VPS13A: variants seen among roughly 807,000 people sequenced by gnomAD.
The protein encoded by VPS13A is vacuolar protein sorting 13 homolog A, also known as intermembrane lipid transfer protein VPS13A.
A neutral mutation model predicts 390.9 loss-of-function variants in VPS13A; 264 were observed. The observed-to-expected ratio is 0.68, with a 90% CI of 0.61 to 0.75. The LOEUF is 0.75. Ranked by LOEUF, VPS13A falls within the 30% of genes least tolerant of loss-of-function variation. The pLI is 0.00. For synonymous variants in VPS13A, 1,231 were observed against 1,227.1 expected, an observed-to-expected ratio of 1.00 and a Z score of -0.07; for missense variants, 3,409 against 3,733.9, an observed-to-expected ratio of 0.91 and a Z score of 2.27.
intron 17 of VPS13A, among the ~76,000 whole-genome samples, chr9:77,235,017 G>C (rs1312128919): frequency 6.6e-6 from 1 of 152,010 alleles, no homozygotes; most frequent in Non-Finnish European, 1.5e-5. Context: ...CATTAGTCTA[G>C]GTTTATATTT....
At chr9:77,384,921 T>C (rs1298998814) in intron 68 of VPS13A, 6 of 1,326,208 alleles carry the variant, frequency 4.5e-6, no homozygotes, top group African/African-American at 3.0e-5. Flanking sequence ...ATATATTTTA[T>C]AGCTTTGTAT....
chr9:77,336,870 C>T (rs1830565978), intron 46 of VPS13A, among the ~76,000 whole-genome samples: 1 of 142,458 alleles, frequency 7.0e-6, no homozygotes, highest in Non-Finnish European at 1.5e-5. Flanking sequence ...AATCTCGGCT[C>T]ACTGTAAGCT....
Position 77,389,532 on chromosome 9 carries a change from T to C in VPS13A, c.9189+7445T>C, listed in dbSNP as rs1205492167. Among the ~76,000 whole-genome samples the C allele has an allele frequency of 2.6e-5, 4 of 152,144 alleles. No individual in the cohort carries two copies. In the South Asian group the frequency reaches 6.2e-4, roughly 24 times the overall value. On this transcript the variant is annotated intron_variant, in intron 68 of 71. Coordinates refer to ENST00000360280, the MANE Select transcript of VPS13A (RefSeq NM_033305.3). ...TATGTGGCCCGGGCTGGTCTTGAACTGAGCTCAAGCGATCCTACCGCTTCA... is the reference window on the plus strand; with the variant it reads ...TATGTGGCCCGGGCTGGTCTTGAACCGAGCTCAAGCGATCCTACCGCTTCA...
Position 77,228,546 on chromosome 9 carries a change from T to G in VPS13A, c.1595+282T>G, listed in dbSNP as rs1929914. On this transcript the variant is annotated intron_variant, in intron 17 of 71. Coordinates refer to ENST00000360280, the MANE Select transcript of VPS13A (RefSeq NM_033305.3). ...AACAATGTGGTTTTTATCTGAGAGT[T>G]TTTAGTTTTATTTTTTTTAAAGTAG... Among the ~76,000 whole-genome samples, 30,927 of 151,924 alleles carry G rather than the reference T, an allele frequency of 0.2. 3,350 individuals carry two copies. Among genetic ancestry groups the G allele is most frequent in the Middle Eastern group, 0.26 (75 of 294 alleles).
intron 67 of VPS13A, 127 bp from the exon 68 acceptor site, chr9:77,381,849 T>A: frequency 1.5e-6 from 1 of 672,090 alleles, no homozygotes; most frequent in South Asian, 2.2e-5. Context: ...ACAAAAACAA[T>A]TTAAAATTAG....
intron 23 of VPS13A, among the ~76,000 whole-genome samples, chr9:77,260,716 A>T (rs1368889074): frequency 6.6e-6 from 1 of 152,066 alleles, no homozygotes; most frequent in Non-Finnish European, 1.5e-5. Context: ...TAAGAAAGAT[A>T]TAAAATAATA....
chr9:77,259,707 A>G (rs1275319335), intron 22 of VPS13A, among the ~76,000 whole-genome samples: 1 of 152,190 alleles, frequency 6.6e-6, no homozygotes, highest in Non-Finnish European at 1.5e-5. Flanking sequence ...CATAGGAAGC[A>G]TGTACATATA....
intron 52 of VPS13A, among the ~76,000 whole-genome samples, chr9:77,347,526 G>A (rs574735319): frequency 9.9e-5 from 15 of 151,978 alleles, no homozygotes; most frequent in Non-Finnish European, 2.1e-4. Flanking sequence ...GCCCAGGCTG[G>A]AGTGCAGTGG....
At chr9:77,410,851 T>G (rs1290221383) in intron 71 of VPS13A, among the ~76,000 whole-genome samples, 1 of 152,186 alleles carries the variant, frequency 6.6e-6, no homozygotes, top group Non-Finnish European at 1.5e-5. Context: ...AATGGGAGAC[T>G]TTAACACCCC....
At chr9:77,359,679 G>A (rs1047119868) in intron 58 of VPS13A, among the ~76,000 whole-genome samples, 3 of 151,954 alleles carry the variant, frequency 2.0e-5, no homozygotes, top group Non-Finnish European at 2.9e-5. Flanking sequence ...TTAGCCAGGC[G>A]TGGTGGCACG....
Position 77,266,958 on chromosome 9 carries a change from A to G in VPS13A, c.2428-6322A>G, listed in dbSNP as rs548747032. Reference sequence around the variant, plus strand: ...TTTCTTCCGCTTGATCGATTTGGCTATTGATACTTGTATATGCTTCACGAA... The same window carrying G: ...TTTCTTCCGCTTGATCGATTTGGCTGTTGATACTTGTATATGCTTCACGAA... On this transcript the variant is annotated intron_variant, in intron 23 of 71. Transcript: ENST00000360280. Among the ~76,000 whole-genome samples the G allele has an allele frequency of 3.0e-4, 46 of 151,908 alleles. No individual in the cohort carries two copies. The South Asian group carries it at 3.9e-3, about 13-fold the overall frequency.
At chr9:77,233,131 C>T (rs1176537949) in intron 17 of VPS13A, among the ~76,000 whole-genome samples, 1 of 151,976 alleles carries the variant, frequency 6.6e-6, no homozygotes, top group African/African-American at 2.4e-5. Context: ...TATTTCTTCT[C>T]GAGGCAGTTT....
chr9:77,356,942 A>G (rs1831824330), intron 55 of VPS13A, 75 bp downstream of exon 55: 5 of 1,554,922 alleles, frequency 3.2e-6, no homozygotes, highest in Middle Eastern at 2.2e-4. Flanking sequence ...AGTGAAATTT[A>G]AGGAAAGTTT....
At chr9:77,353,934 G>A (rs1465448047) in intron 54 of VPS13A, among the ~76,000 whole-genome samples, 1 of 152,026 alleles carries the variant, frequency 6.6e-6, no homozygotes, top group African/African-American at 2.4e-5. Flanking sequence ...AAAATGCTTA[G>A]TTCATTTTCC....
chr9:77,358,962 A>G (rs1418064350), intron 57 of VPS13A, among the ~76,000 whole-genome samples: 5 of 151,888 alleles, frequency 3.3e-5, no homozygotes, highest in Non-Finnish European at 7.4e-5. Context: ...CTTCTAAACT[A>G]TCCTGGGGGG....
intron 31 of VPS13A, among the ~76,000 whole-genome samples, chr9:77,284,559 TC>T (rs1226568772): frequency 1.3e-5 from 2 of 152,116 alleles, no homozygotes; most frequent in African/African-American, 4.8e-5. Context: ...ATCATAAGTA[TC>T]AGAGTATTTA....
At position 77,303,067 on chromosome 9, in the gene VPS13A, CTT is replaced by C. The variant is rs1308148897; in HGVS notation, c.3960+11_3960+12del. On this transcript the variant is annotated splice_donor_region_variant and intron_variant, in intron 34 of 71. Transcript: ENST00000360280. Reference sequence around the variant, plus strand: ...GCTCAGCTGAAACCAATGGAGGTAACTTTTTTTGGATACTTATCAATTTTTGT... The same window carrying C: ...GCTCAGCTGAAACCAATGGAGGTAACTTTTTGGATACTTATCAATTTTTGT... 2 of 1,613,668 alleles carry C rather than the reference CTT, an allele frequency of 1.2e-6. No individual in the cohort carries two copies. The highest frequency in any genetic ancestry group is 1.7e-6 in the Non-Finnish European group (2 of 1,179,848).
At chr9:77,379,065 CTTT>C (rs71503211) in intron 67 of VPS13A, among the ~76,000 whole-genome samples, 4 of 72,404 alleles carry the variant, frequency 5.5e-5, no homozygotes, top group African/African-American at 2.4e-4. Flanking sequence ...ATTTTCAGTC[CTTT>C]TTTTTTTTTT....
At chr9:77,198,269 A>G (rs1040748355) in intron 1 of VPS13A, among the ~76,000 whole-genome samples, 5 of 152,186 alleles carry the variant, frequency 3.3e-5, no homozygotes, top group Non-Finnish European at 7.3e-5. Flanking sequence ...CTCCAGAACC[A>G]TCTGCCTCAC....
Sources: allele counts gnomAD v4.1 joint callset (sites outside exome capture counted in the v4.1 genomes callset), GRCh38; gene constraint gnomAD v4.1.1; transcripts MANE v1.5; gene names NCBI Gene and HGNC (gene_info 2026-07-23, HGNC 2026-07-21).